Variants in CFTR observed in about 807,000 individuals in gnomAD.
CFTR encodes cystic fibrosis transmembrane conductance regulator.
In CFTR, 181 loss-of-function variants were observed where a neutral mutation model predicts 171.6. The ratio of observed to expected loss-of-function variants is 1.05; its 90% CI spans 0.93 to 1.19. The LOEUF (loss-of-function observed/expected upper bound fraction) is 1.19. Among genes scored for constraint, CFTR ranks in the 50% most tolerant of loss-of-function variants. The pLI, the probability that CFTR is intolerant of heterozygous loss-of-function variation, is 0.00. For missense variants in CFTR, 1,968 were observed against 1,734.7 expected (o/e 1.13, Z -2.39); for synonymous variants, 583 against 608.0 (o/e 0.96, Z 0.60).
intron 17 of CFTR, 112 bp downstream of exon 17, chr7:117,603,894 T>G (rs1792266235): frequency 3.6e-6 from 4 of 1,115,028 alleles, no homozygotes; most frequent in African/African-American, 3.1e-5. Flanking sequence ...ATGTGCCCTT[T>G]GTTGAACCTC....
intron 7 of CFTR, among the ~76,000 whole-genome samples, chr7:117,537,716 T>C (rs1798980045): frequency 6.6e-6 from 1 of 152,224 alleles, no homozygotes; most frequent in Admixed American, 6.5e-5. Context: ...ACATTATTGC[T>C]CACCTGTTTT....
intron 18 of CFTR, among the ~76,000 whole-genome samples, chr7:117,607,180 T>G (rs2116071029): frequency 6.6e-6 from 1 of 152,228 alleles, no homozygotes; most frequent in Non-Finnish European, 1.5e-5. Context: ...CATGAACACT[T>G]TGGCACAGAT....
intron 1 of CFTR, among the ~76,000 whole-genome samples, chr7:117,493,694 A>G (rs1798197120): frequency 6.6e-6 from 1 of 152,160 alleles, no homozygotes; most frequent in Non-Finnish European, 1.5e-5. Flanking sequence ...CTGCTCCCCA[A>G]AAAGAGAAGT....
chr7:117,531,367 T>C (rs1798863230), intron 4 of CFTR, among the ~76,000 whole-genome samples: 1 of 152,108 alleles, frequency 6.6e-6, no homozygotes, highest in Non-Finnish European at 1.5e-5. Context: ...CCTAATCATG[T>C]TATCATTTTT....
intron 11 of CFTR, among the ~76,000 whole-genome samples, chr7:117,563,822 C>T (rs1054210862): frequency 6.6e-6 from 1 of 152,152 alleles, no homozygotes; most frequent in Non-Finnish European, 1.5e-5. Context: ...TTCAAAGTAT[C>T]CCTGAGTCCC....
intron 11 of CFTR, among the ~76,000 whole-genome samples, chr7:117,578,186 G>A (rs988688341): frequency 2.0e-5 from 3 of 151,610 alleles, no homozygotes; most frequent in Non-Finnish European, 4.4e-5. Context: ...CCACTTACAC[G>A]TATTTTTTTT....
intron 23 of CFTR, among the ~76,000 whole-genome samples, chr7:117,643,642 G>A (rs1792953161): frequency 6.6e-6 from 1 of 152,020 alleles, no homozygotes; most frequent in African/African-American, 2.4e-5. Context: ...AAAGAAAAAA[G>A]GGATTGTCAG....
intron 1 of CFTR, among the ~76,000 whole-genome samples, chr7:117,495,828 G>A (rs1054392115): frequency 5.3e-5 from 8 of 152,166 alleles, no homozygotes; most frequent in African/African-American, 1.9e-4. Context: ...AATTAACACT[G>A]ACAGTTGATT....
chr7:117,668,171 A>G lies in CFTR; in HGVS notation c.*1063A>G, dbSNP rs1793417590. On this transcript the variant is annotated 3_prime_UTR_variant, in exon 27 of 27. Transcript: ENST00000003084. ...GAGACACACTGAAGAAGCACCAATC[A>G]TGAATTAGTTTTATATGCTTCTGTT... The G allele has an allele frequency of 6.6e-6, 1 of 152,238 alleles. No individual in the cohort carries two copies. 9.4% of individuals were successfully genotyped at this position (152,238 alleles called of 1,614,324 possible).
intron 18 of CFTR, among the ~76,000 whole-genome samples, chr7:117,609,149 A>G (rs538540497): frequency 1.2e-4 from 19 of 152,180 alleles, no homozygotes; most frequent in African/African-American, 4.6e-4. Flanking sequence ...ACCTCATGTA[A>G]TCTTCATTCT....
At chr7:117,525,927 G>A (rs1488920935) in intron 3 of CFTR, among the ~76,000 whole-genome samples, 1 of 149,872 alleles carries the variant, frequency 6.7e-6, no homozygotes, top group African/African-American at 2.5e-5. Context: ...CTGTCATTAT[G>A]ATGTTAGCTG....
intron 21 of CFTR, among the ~76,000 whole-genome samples, chr7:117,625,085 C>G (rs972938814): frequency 1.1e-4 from 16 of 152,166 alleles, no homozygotes; most frequent in African/African-American, 3.4e-4. Flanking sequence ...AGTGTCTGCA[C>G]AAGCCACTTT....
In CFTR at chr7:117,531,077, A is replaced by G. The variant is rs764227419; in HGVS notation, c.452A>G (p.Gln151Arg). 1 of 1,613,670 alleles carries G rather than the reference A, an allele frequency of 6.2e-7. No homozygotes were observed. Among genetic ancestry groups the G allele is most frequent in the Admixed American group, 1.7e-5 (1 of 59,900 alleles). Residue 151 changes from glutamine (Q) to arginine (R), a missense_variant, in exon 4 of 27, where the codon CAG (glutamine) becomes CGG (arginine). Physicochemically the swap from Gln to Arg is conservative, Grantham distance 43. Transcript: ENST00000003084. ...AIFGLHHIGM[Q>R]MRIAMFSLIY... Reference sequence around the variant, plus strand: ...TTTGGCCTTCATCACATTGGAATGCAGATGAGAATAGCTATGTTTAGTTTG... The same window carrying G: ...TTTGGCCTTCATCACATTGGAATGCGGATGAGAATAGCTATGTTTAGTTTG...
chr7:117,494,296 G>A (rs1798205188), intron 1 of CFTR, among the ~76,000 whole-genome samples: 1 of 151,992 alleles, frequency 6.6e-6, no homozygotes, highest in Admixed American at 6.6e-5. Flanking sequence ...TAACTTGCAA[G>A]CTAGTGTTAG....
chr7:117,555,357 T>C (rs980359853), intron 10 of CFTR, among the ~76,000 whole-genome samples: 2 of 152,206 alleles, frequency 1.3e-5, no homozygotes, highest in African/African-American at 4.8e-5. Context: ...ATAAAACTAA[T>C]TGTAGTACAT....
chr7:117,496,449 C>T (rs1282473839), intron 1 of CFTR, among the ~76,000 whole-genome samples: 1 of 152,148 alleles, frequency 6.6e-6, no homozygotes, highest in Non-Finnish European at 1.5e-5. Flanking sequence ...AGTGGTCCTC[C>T]TCCCACAGCA....
chr7:117,590,489 AAGAC>A (rs765164034), intron 13 of CFTR, 50 bp downstream of exon 13: 66 of 1,567,846 alleles, frequency 4.2e-5, no homozygotes, highest in East Asian at 1.1e-4. Flanking sequence ...AAATAAAAGA[AAGAC>A]AGACTGTCCC....
chr7:117,490,769 C>T (rs1291762428), intron 1 of CFTR, among the ~76,000 whole-genome samples: 1 of 152,066 alleles, frequency 6.6e-6, no homozygotes, highest in East Asian at 1.9e-4. Context: ...TTATAATTAG[C>T]ACCTTTTCAT....
intron 23 of CFTR, among the ~76,000 whole-genome samples, chr7:117,645,519 T>C (rs1792984743): frequency 6.6e-6 from 1 of 152,178 alleles, no homozygotes; most frequent in South Asian, 2.1e-4. Flanking sequence ...AAAGGCCAGC[T>C]CCCAAGCCCT....
Sources: gnomAD v4.1 joint callset for allele counts (sites outside exome capture counted in the v4.1 genomes callset) on GRCh38, gnomAD v4.1.1 for gene constraint, MANE v1.5 for transcripts, NCBI Gene and HGNC (gene_info 2026-07-23, HGNC 2026-07-21) for gene names.